The following FAM110A variants were observed in gnomAD, a reference collection of about 807,000 sequenced individuals.
FAM110A encodes the protein family with sequence similarity 110 member A.
In FAM110A, 1 loss-of-function variant was observed where a neutral mutation model predicts 4.0. The observed-to-expected ratio is 0.25, with a 90% confidence interval of 0.09 to 1.20. FAM110A has a LOEUF of 1.20. FAM110A is among the 50% of genes most tolerant of loss of function. FAM110A has a pLI of 0.50. For missense variants in FAM110A, 436 were observed against 429.2 expected (o/e 1.02, Z -0.14); for synonymous variants, 217 against 196.8 (o/e 1.10, Z -0.86).
chr20:841,600 C>T (rs1979920357), intron 1 of FAM110A, among the ~76,000 whole-genome samples: 1 of 151,976 alleles, frequency 6.6e-6, no homozygotes, highest in Non-Finnish European at 1.5e-5. Context: ...CTGAGTTCCC[C>T]CCAGCCCTGC....
chr20:844,774 C>T lies in FAM110A; in HGVS notation c.-31C>T, dbSNP rs1311219720. 3.5e-6 allele frequency: 5 copies of T among 1,415,746 alleles called. No homozygotes were observed. In the East Asian group the frequency reaches 8.2e-5, roughly 23 times the overall value. The allele number at this position is 1,415,746 out of a possible 1,614,324, so 87.7% of individuals were successfully genotyped here. A position where few individuals can be genotyped will look rare whatever the true frequency, so the allele number is the denominator to read the frequency against. ...TGGCTCCTCATCTCTCCGGTCTCCG[C>T]AGACTAAAGCCCTCGGGATATGCAG... On this transcript the variant is annotated 5_prime_UTR_variant, in exon 2 of 2. Coordinates refer to ENST00000381941, the MANE Select transcript of FAM110A (RefSeq NM_001042353.3).
Position 844,247 on chromosome 20 carries a change from G to C in FAM110A, c.-97-461G>C, listed in dbSNP as rs745957889. 7.9e-5 allele frequency among the ~76,000 whole-genome samples: 12 copies of C among 152,198 alleles called. 1 individual carries two copies. The highest frequency in any genetic ancestry group is 1.3e-4 in the Non-Finnish European group (9 of 68,032). ...GGTGCCAGCACCTTCCTTTTTGGTG[G>C]TCAGGGGCAGAGCCACCTACTCGCT... is the stretch of plus-strand genomic sequence containing the variant. On this transcript the variant is annotated intron_variant, in intron 1 of 1. Coordinates refer to ENST00000381941, the MANE Select transcript of FAM110A (RefSeq NM_001042353.3).
Position 840,073 on chromosome 20 carries a change from A to T in FAM110A, c.-97-4635A>T. Reference sequence around the variant, plus strand: ...TCATTATTGTTGCTTTGCTGTTACTACTATTAGCGCCTGAAGGAGCCTTCC... The same window carrying T: ...TCATTATTGTTGCTTTGCTGTTACTTCTATTAGCGCCTGAAGGAGCCTTCC... On this transcript the variant is annotated intron_variant, in intron 1 of 1. Transcript: ENST00000381941. The surrounding 1 kb of genome is among the most constrained non-coding windows in gnomAD (Gnocchi z 4.4). The T allele has an allele frequency of 1.2e-5, 9 of 737,158 alleles. No individual in the cohort carries two copies. Among genetic ancestry groups the T allele is most frequent in the Middle Eastern group, 3.9e-4 (1 of 2,590 alleles). The allele number at this position is 737,158 out of a possible 1,614,324, so 45.7% of individuals were successfully genotyped here. A position where few individuals can be genotyped will look rare whatever the true frequency, so the allele number is the denominator to read the frequency against.
intron 1 of FAM110A, chr20:839,343 T>C: frequency 2.2e-6 from 1 of 463,938 alleles, no homozygotes; most frequent in South Asian, 1.8e-5. Context: ...TAACATTTTG[T>C]AGAGCTTAGA....
rs766727214 is a variant in FAM110A at position 840,450 on chromosome 20, G to A, written c.-97-4258G>A. 4.3e-4 allele frequency among the ~76,000 whole-genome samples: 65 copies of A among 152,352 alleles called. No homozygotes were observed. The highest frequency in any genetic ancestry group is 3.4e-3 in the Middle Eastern group (1 of 294). On this transcript the variant is annotated intron_variant, in intron 1 of 1. Coordinates refer to ENST00000381941, the MANE Select transcript of FAM110A (RefSeq NM_001042353.3). The surrounding 1 kb of genome is among the most constrained non-coding windows in gnomAD (Gnocchi z 4.4). ...CCTGCAGTGAGTTATAGGACTTGGG[G>A]TGGAAGAGGTGACAGTCACCTCCCT... is the stretch of plus-strand genomic sequence containing the variant.
chr20:839,643 G>A (rs1600007081), intron 1 of FAM110A: 1 of 1,175,320 alleles, frequency 8.5e-7, no homozygotes, highest in African/African-American at 1.5e-5. Flanking sequence ...AGGCCTGCCA[G>A]TCTCTGGACG....
Position 834,207 on chromosome 20 carries a change from G to T in FAM110A, c.-98+256G>T, listed in dbSNP as rs1979459396. Among the ~76,000 whole-genome samples the T allele has an allele frequency of 6.6e-6, 1 of 152,204 alleles. No individual in the cohort carries two copies. Among genetic ancestry groups the T allele is most frequent in the Non-Finnish European group, 1.5e-5 (1 of 68,036 alleles). Reference sequence around the variant, plus strand: ...GAGAGGCCCAGACGGGCAACTGGTAGTCATTTTCCCAGCGTTTTATCGGCA... The same window carrying T: ...GAGAGGCCCAGACGGGCAACTGGTATTCATTTTCCCAGCGTTTTATCGGCA... On this transcript the variant is annotated intron_variant, in intron 1 of 1. Coordinates refer to ENST00000381941, the MANE Select transcript of FAM110A (RefSeq NM_001042353.3). This position sits in a 1 kb window ranked among gnomAD's most constrained non-coding sequence, Gnocchi z 5.6.
At chr20:839,503 TTGCTGACCCAGCCCCAGCCTC>T in intron 1 of FAM110A, 1 of 991,354 alleles carries the variant, frequency 1.0e-6, no homozygotes, top group Non-Finnish European at 1.6e-6. Flanking sequence ...TGGAATTCGG[TTGCTGACCCAGCCCCAGCCTC>T]GGCTTTCTTG....
In FAM110A at chr20:846,079, C is replaced by A; in HGVS notation, c.*387C>A. 1 of 250,248 alleles carries A rather than the reference C, an allele frequency of 4.0e-6. No homozygotes were observed. The allele number at this position is 250,248 out of a possible 1,614,324, so 15.5% of individuals were successfully genotyped here. On this transcript the variant is annotated 3_prime_UTR_variant, in exon 2 of 2. Coordinates refer to ENST00000381941, the MANE Select transcript of FAM110A (RefSeq NM_001042353.3). ...TGTTTCCTCCTTCCTTCCTTGGCCT[C>A]TGTCCTTTGCTGACTTCCTCTTCCT... is the stretch of plus-strand genomic sequence containing the variant.
chr20:839,347 G>A (rs1261570770), intron 1 of FAM110A: 2 of 488,644 alleles, frequency 4.1e-6, no homozygotes, highest in Non-Finnish European at 7.9e-6. Flanking sequence ...ATTTTGTAGA[G>A]CTTAGAACAG....
Position 840,306 on chromosome 20 carries a change from C to G in FAM110A, c.-97-4402C>G, listed in dbSNP as rs1433231182. ...CTGGCCCAGCTCCCACAGGCACAGA[C>G]ATGGAACAGGAGCCTCTTCAGCCTG... On this transcript the variant is annotated intron_variant, in intron 1 of 1. Transcript: ENST00000381941. This position sits in a 1 kb window ranked among gnomAD's most constrained non-coding sequence, Gnocchi z 4.4. Among the ~76,000 whole-genome samples, 1 of 152,232 alleles carries G rather than the reference C, an allele frequency of 6.6e-6. No individual in the cohort carries two copies. Among genetic ancestry groups the G allele is most frequent in the South Asian group, 2.1e-4 (1 of 4,818 alleles).
Position 845,188 on chromosome 20 carries a change from A to G in FAM110A, c.384A>G (p.Gly128=), listed in dbSNP as rs1269374019. 6.4e-7 allele frequency: 1 copy of G among 1,568,840 alleles called. No individual in the cohort carries two copies. The highest frequency in any genetic ancestry group is 8.6e-7 in the Non-Finnish European group (1 of 1,161,776). Residue 128 remains glycine (G), a synonymous_variant, in exon 2 of 2, where the codon GGA becomes GGG. Coordinates refer to ENST00000381941, the MANE Select transcript of FAM110A (RefSeq NM_001042353.3). ...CTGCCGAGGCCAGCCGCACTCCTGGACGGGCCGAGGGAGCCGGCCGTCCTC... is the reference window on the plus strand; with the variant it reads ...CTGCCGAGGCCAGCCGCACTCCTGGGCGGGCCGAGGGAGCCGGCCGTCCTC... ...VSPAEASRTP[G]RAEGAGRPPP... is the part of the protein sequence containing the mutation.
rs1179327692 is a variant in FAM110A, at chr20:844,954, G to C, written c.150G>C (p.Lys50Asn). 1.3e-6 allele frequency: 2 copies of C among 1,593,084 alleles called. No homozygotes were observed. The highest frequency in any genetic ancestry group is 1.1e-5 in the South Asian group (1 of 88,262). The change falls in exon 2 of 2, where the codon AAG (lysine) becomes AAC (asparagine). Residue 50 changes from lysine (K) to asparagine (N), a missense_variant. Coordinates refer to ENST00000381941, the MANE Select transcript of FAM110A (RefSeq NM_001042353.3). The stretch of plus-strand genomic sequence containing the variant: ...CTGTGGAGCGCCTGGAGGCCGACAA[G>C]GCCAAGTACGTCAAGAGCCTGCACG... ...PSAVERLEAD[K>N]AKYVKSLHVA...
chr20:836,356 C>T (rs908031920), intron 1 of FAM110A, among the ~76,000 whole-genome samples: 2 of 152,116 alleles, frequency 1.3e-5, no homozygotes, highest in African/African-American at 4.8e-5. Context: ...GTACATTCCC[C>T]ATTGCCTCTC....
At chr20:837,633 G>A (rs1979651521) in intron 1 of FAM110A, among the ~76,000 whole-genome samples, 2 of 152,194 alleles carry the variant, frequency 1.3e-5, no homozygotes, top group South Asian at 2.1e-4. Flanking sequence ...ATCATTGGTG[G>A]AGCTAGGATT....
intron 1 of FAM110A, 151 bp from the exon 2 acceptor site, chr20:844,557 C>T: frequency 5.0e-6 from 1 of 198,072 alleles, no homozygotes; most frequent in Non-Finnish European, 9.1e-6. Context: ...GGCCCCGCAG[C>T]TGCTGCCTTG....
chr20:843,264 G>T (rs1164665891), intron 1 of FAM110A, among the ~76,000 whole-genome samples: 1 of 152,026 alleles, frequency 6.6e-6, no homozygotes, highest in African/African-American at 2.4e-5. Flanking sequence ...AGGTTATAGG[G>T]AGGATGGCAC....
Position 844,762 on chromosome 20 carries a change from C to G in FAM110A, c.-43C>G, listed in dbSNP as rs1234916394. The G allele has an allele frequency of 6.5e-6, 9 of 1,389,276 alleles. No individual in the cohort carries two copies. The highest frequency in any genetic ancestry group is 8.4e-6 in the Non-Finnish European group (9 of 1,075,778). The allele number at this position is 1,389,276 out of a possible 1,614,324, so 86.1% of individuals were successfully genotyped here. On this transcript the variant is annotated 5_prime_UTR_variant, in exon 2 of 2. Transcript: ENST00000381941. ...TGCCCGGATCTCTGGCTCCTCATCT[C>G]TCCGGTCTCCGCAGACTAAAGCCCT...
Position 840,099 on chromosome 20 carries a change from C to T in FAM110A, c.-97-4609C>T, listed in dbSNP as rs6117919. 5,452 of 662,460 alleles carry T rather than the reference C, an allele frequency of 8.2e-3. 200 individuals carry two copies. In the African/African-American group the frequency reaches 0.083, roughly 10 times the overall value. 41.0% of individuals were successfully genotyped at this position (662,460 alleles called of 1,614,324 possible). A position where few individuals can be genotyped will look rare whatever the true frequency, so the allele number is the denominator to read the frequency against. ...CTATTAGCGCCTGAAGGAGCCTTCC[C>T]TCCCCATCCCCCATTTCTGCCTCCG... On this transcript the variant is annotated intron_variant, in intron 1 of 1. Coordinates refer to ENST00000381941, the MANE Select transcript of FAM110A (RefSeq NM_001042353.3). This position sits in a 1 kb window ranked among gnomAD's most constrained non-coding sequence, Gnocchi z 4.4.
Sources: gnomAD v4.1 joint callset for allele counts (sites outside exome capture counted in the v4.1 genomes callset) on GRCh38, gnomAD v4.1.1 for gene constraint, Gnocchi (gnomAD v3.1) non-coding constraint, MANE v1.5 for transcripts, NCBI Gene and HGNC (gene_info 2026-07-23, HGNC 2026-07-21) for gene names.